Variants in TSPAN18 observed in about 807,000 individuals in gnomAD.
The protein encoded by TSPAN18 is tetraspanin 18.
In TSPAN18, 14 loss-of-function variants were observed where a neutral mutation model predicts 27.3. The ratio of observed to expected loss-of-function variants is 0.51; its 90% CI spans 0.34 to 0.80. TSPAN18 has a LOEUF of 0.80. Among genes scored for constraint, TSPAN18 ranks in the 30% least tolerant of loss-of-function variants. The pLI is 0.01. For synonymous variants in TSPAN18, 143 were observed against 136.5 expected (o/e 1.05, Z -0.33); for missense variants, 268 against 323.9 (o/e 0.83, Z 1.32).
At chr11:44,892,314 G>T (rs562597540) in intron 3 of TSPAN18, among the ~76,000 whole-genome samples, 16 of 152,268 alleles carry the variant, frequency 1.1e-4, no homozygotes, top group African/African-American at 3.8e-4. Flanking sequence ...CAGAGAGGGT[G>T]GCTTCACTCT....
chr11:44,766,826 T>A (rs1855578679), intron 2 of TSPAN18, among the ~76,000 whole-genome samples: 1 of 152,146 alleles, frequency 6.6e-6, no homozygotes, highest in Non-Finnish European at 1.5e-5. Flanking sequence ...GGGGGCTGAG[T>A]CCCAGCTCTG....
intron 2 of TSPAN18, among the ~76,000 whole-genome samples, chr11:44,850,664 C>T (rs571175027): frequency 6.6e-6 from 1 of 152,290 alleles, no homozygotes; most frequent in South Asian, 2.1e-4. Flanking sequence ...ATATCTCCAT[C>T]TTACAGATGA....
chr11:44,750,107 T>A (rs1000894349), intron 1 of TSPAN18, among the ~76,000 whole-genome samples: 3 of 152,210 alleles, frequency 2.0e-5, no homozygotes, highest in African/African-American at 7.2e-5. Context: ...ATGATGAAAT[T>A]GAGACCCAGA....
intron 2 of TSPAN18, among the ~76,000 whole-genome samples, chr11:44,847,440 TG>T (rs199631540): frequency 0.013 from 2,035 of 152,360 alleles, 48 homozygotes; most frequent in African/African-American, 0.046. Context: ...GCATAATGTT[TG>T]GGAGGTTCAT....
intron 2 of TSPAN18, among the ~76,000 whole-genome samples, chr11:44,848,144 C>G (rs893500791): frequency 6.6e-6 from 1 of 152,156 alleles, no homozygotes; most frequent in East Asian, 1.9e-4. Flanking sequence ...CCTCAAAGTA[C>G]CTTTTGAAGA....
intron 3 of TSPAN18, among the ~76,000 whole-genome samples, chr11:44,872,362 A>G (rs1858218918): frequency 6.6e-6 from 1 of 152,188 alleles, no homozygotes; most frequent in Non-Finnish European, 1.5e-5. Flanking sequence ...GCATCAACAT[A>G]TGAATTTGGG....
rs1860594745 is a variant in TSPAN18 at position 44,932,101 on chromosome 11, A to C, written c.*2923A>C. ...GGCCTGTCCACAGCCTCCCTTGTCT[A>C]TGTCTCTATCCATGCTTAAGGGGCC... On this transcript the variant is annotated 3_prime_UTR_variant, in exon 10 of 10. Transcript: ENST00000520358. 6.6e-6 allele frequency: 1 copy of C among 152,134 alleles called. No homozygotes were observed. Among genetic ancestry groups the C allele is most frequent in the African/African-American group, 2.4e-5 (1 of 41,482 alleles). The allele number at this position is 152,134 out of a possible 1,614,324, so 9.4% of individuals were successfully genotyped here.
At chr11:44,856,113 A>G (rs550759837) in intron 2 of TSPAN18, among the ~76,000 whole-genome samples, 3 of 151,980 alleles carry the variant, frequency 2.0e-5, no homozygotes, top group South Asian at 4.2e-4. Context: ...TTGATCTCCT[A>G]ACCTCATGAT....
At chr11:44,765,353 TC>T (rs1266652900) in intron 2 of TSPAN18, among the ~76,000 whole-genome samples, 2 of 152,074 alleles carry the variant, frequency 1.3e-5, no homozygotes, top group Non-Finnish European at 2.9e-5. Flanking sequence ...ATCTGAAAAC[TC>T]CGAGGAGATC....
intron 3 of TSPAN18, among the ~76,000 whole-genome samples, chr11:44,867,173 C>G (rs772796774): frequency 1.7e-4 from 26 of 152,082 alleles, no homozygotes; most frequent in Non-Finnish European, 3.4e-4. Context: ...GACCTCCACT[C>G]CAGACCCACT....
chr11:44,818,584 G>C (rs972056797), intron 2 of TSPAN18, among the ~76,000 whole-genome samples: 1 of 152,120 alleles, frequency 6.6e-6, no homozygotes, highest in Non-Finnish European at 1.5e-5. Flanking sequence ...TCCGGGAAGA[G>C]CTAGAGCATC....
Position 44,764,464 on chromosome 11 carries a change from A to G in TSPAN18, c.-201A>G, listed in dbSNP as rs961629834. Reference sequence around the variant, plus strand: ...GCTACTGTCAGGAGGACACTGTAAGAGAACCTTGGCACCTCTGGGCCCAAA... The same window carrying G: ...GCTACTGTCAGGAGGACACTGTAAGGGAACCTTGGCACCTCTGGGCCCAAA... On this transcript the variant is annotated 5_prime_UTR_variant, in exon 2 of 10. Coordinates refer to ENST00000520358, the MANE Select transcript of TSPAN18 (RefSeq NM_130783.5). 4 of 152,268 alleles carry G rather than the reference A, an allele frequency of 2.6e-5. No homozygotes were observed. Among genetic ancestry groups the G allele is most frequent in the Non-Finnish European group, 5.9e-5 (4 of 68,064 alleles). 9.4% of individuals were successfully genotyped at this position (152,268 alleles called of 1,614,324 possible).
chr11:44,840,098 T>C lies in TSPAN18; in HGVS notation c.-152-20230T>C, dbSNP rs879744466. ...CCAATGTGCTGCCTCGGCCAAGTCC[T>C]CCACAGAGAGAAAACTCCTGAGGCC... On this transcript the variant is annotated intron_variant, in intron 2 of 9. Transcript: ENST00000520358. Among the ~76,000 whole-genome samples the C allele has an allele frequency of 3.8e-4, 58 of 152,236 alleles. 1 individual carries two copies. The highest frequency in any genetic ancestry group is 3.2e-3 in the Middle Eastern group (1 of 316).
In TSPAN18 at chr11:44,884,493, T is replaced by A. The variant is rs183338971; in HGVS notation, c.-10-21914T>A. 7.9e-3 allele frequency among the ~76,000 whole-genome samples: 1,208 copies of A among 152,290 alleles called. 15 individuals carry two copies. The highest frequency in any genetic ancestry group is 0.024 in the African/African-American group (1,017 of 41,544). ...GGCGATCAGCTCGACTTCCTCCAGT[T>A]CCTTTAGCCTCTTCTGTTGGAAAGA... On this transcript the variant is annotated intron_variant, in intron 3 of 9. Coordinates refer to ENST00000520358, the MANE Select transcript of TSPAN18 (RefSeq NM_130783.5).
chr11:44,816,059 G>A (rs1157002012), intron 2 of TSPAN18, among the ~76,000 whole-genome samples: 1 of 151,156 alleles, frequency 6.6e-6, no homozygotes, highest in African/African-American at 2.4e-5. Context: ...GTGACCTGGG[G>A]CAAGTTTATT....
At chr11:44,832,194 C>T (rs2135145939) in intron 2 of TSPAN18, among the ~76,000 whole-genome samples, 1 of 152,294 alleles carries the variant, frequency 6.6e-6, no homozygotes, top group South Asian at 2.1e-4. Context: ...CCAGTGGCTG[C>T]CCGTGCTAGG....
At chr11:44,855,136 A>G (rs962682414) in intron 2 of TSPAN18, among the ~76,000 whole-genome samples, 10 of 150,808 alleles carry the variant, frequency 6.6e-5, no homozygotes, top group Non-Finnish European at 1.0e-4. Flanking sequence ...GATAATATGG[A>G]TTCATCCTGA....
chr11:44,755,846 G>A (rs915472791), intron 1 of TSPAN18, among the ~76,000 whole-genome samples: 9 of 152,170 alleles, frequency 5.9e-5, no homozygotes, highest in African/African-American at 1.2e-4. Flanking sequence ...TTATGGCCTC[G>A]GGACTCAGAA....
At chr11:44,749,521 GC>G (rs1376696574) in intron 1 of TSPAN18, among the ~76,000 whole-genome samples, 11 of 152,290 alleles carry the variant, frequency 7.2e-5, no homozygotes, top group African/African-American at 2.4e-4. Flanking sequence ...ATCCCATTTG[GC>G]CACCAGAGTG....
Sources: gnomAD v4.1 joint callset for allele counts (sites outside exome capture counted in the v4.1 genomes callset) on GRCh38, gnomAD v4.1.1 for gene constraint, MANE v1.5 for transcripts, NCBI Gene and HGNC (gene_info 2026-07-23, HGNC 2026-07-21) for gene names.